The following CREB5 variants were observed in gnomAD, a reference collection of about 807,000 sequenced individuals.
The protein encoded by CREB5 is cAMP responsive element binding protein 5, also known as cyclic AMP-responsive element-binding protein 5.
Under a neutral mutation model 57.1 loss-of-function variants are expected in CREB5, and 19 were observed. The observed-to-expected ratio is 0.33, with a 90% CI of 0.23 to 0.49. The LOEUF (loss-of-function observed/expected upper bound fraction) is 0.49. Among genes scored for constraint, CREB5 ranks in the 20% least tolerant of loss-of-function variants. The pLI is 0.99. For synonymous variants in CREB5, 238 were observed against 238.3 expected (o/e 1.00, Z 0.01); for missense variants, 579 against 671.6 (o/e 0.86, Z 1.52).
At chr7:28,560,855 T>TGCGTGTGC (rs1554344299) in intron 4 of CREB5, among the ~76,000 whole-genome samples, 4 of 56,388 alleles carry the variant, frequency 7.1e-5, no homozygotes, top group African/African-American at 2.8e-4. Flanking sequence ...CGCGTGTGTG[T>TGCGTGTGC]GTGCGTGTGC....
At chr7:28,762,729 T>TC (rs1805729184) in intron 7 of CREB5, among the ~76,000 whole-genome samples, 1 of 152,020 alleles carries the variant, frequency 6.6e-6, no homozygotes, top group South Asian at 2.1e-4. Flanking sequence ...GCTATGGTTT[T>TC]TTTTTTTTCT....
intron 7 of CREB5, among the ~76,000 whole-genome samples, chr7:28,744,599 C>T (rs867926891): frequency 5.3e-5 from 8 of 152,024 alleles, no homozygotes; most frequent in South Asian, 2.1e-4. Flanking sequence ...CCACCCGCCT[C>T]GGCCTCCCAA....
chr7:28,385,457 G>T (rs750303496), intron 1 of CREB5, among the ~76,000 whole-genome samples: 1 of 152,052 alleles, frequency 6.6e-6, no homozygotes, highest in Non-Finnish European at 1.5e-5. Flanking sequence ...TGGGCAGACA[G>T]CTTGAGCCCA....
At position 28,316,804 on chromosome 7, in the gene CREB5, C is replaced by T. The variant is rs112605960; in HGVS notation, c.-25+17363C>T. ...TTTCAGAATACTTTCAAAATCTCCT[C>T]ACTGATTCACAGTGCAGAATGTATA... is the stretch of plus-strand genomic sequence containing the variant. On this transcript the variant is annotated intron_variant, in intron 1 of 9. Coordinates refer to the CREB5 transcript ENST00000396299. Among the ~76,000 whole-genome samples the T allele has an allele frequency of 7.3e-3, 1,110 of 152,150 alleles. 17 individuals carry two copies. The highest frequency in any genetic ancestry group is 0.025 in the African/African-American group (1,056 of 41,496).
chr7:28,566,243 T>G (rs1321691447), intron 4 of CREB5, among the ~76,000 whole-genome samples: 1 of 152,248 alleles, frequency 6.6e-6, no homozygotes, highest in African/African-American at 2.4e-5. Context: ...GATCATACAG[T>G]TGGCTCAAGT....
In CREB5 at chr7:28,643,001, C is replaced by T. The variant is rs4722832; in HGVS notation, c.464+72464C>T. ...ACACACACACATACACACACACACA[C>T]ACACACACACACACACACACACACA... On this transcript the variant is annotated intron_variant, in intron 5 of 10. Transcript: ENST00000357727. Among the ~76,000 whole-genome samples, 1,177 of 139,262 alleles carry T rather than the reference C, an allele frequency of 8.5e-3. 6 individuals carry two copies. The highest frequency in any genetic ancestry group is 0.029 in the African/African-American group (957 of 33,456). The allele number at this position is 139,262 out of a possible 152,430, so 91.4% of individuals were successfully genotyped here.
chr7:28,317,548 T>C (rs1290380246), intron 1 of CREB5, among the ~76,000 whole-genome samples: 3 of 152,296 alleles, frequency 2.0e-5, no homozygotes, highest in East Asian at 1.9e-4. Flanking sequence ...CTAAAAGCAA[T>C]GGATTTGCAT....
At chr7:28,771,443 C>T (rs542626260) in intron 7 of CREB5, among the ~76,000 whole-genome samples, 11 of 152,140 alleles carry the variant, frequency 7.2e-5, no homozygotes, top group East Asian at 3.9e-4. Flanking sequence ...ACGGGATTCA[C>T]GAGAAGTCTG....
At chr7:28,361,063 A>G (rs186144746) in intron 1 of CREB5, among the ~76,000 whole-genome samples, 17 of 152,212 alleles carry the variant, frequency 1.1e-4, no homozygotes, top group Admixed American at 9.8e-4. Flanking sequence ...CTGACCCCCA[A>G]TGTCAATAGT....
At chr7:28,375,899 C>T (rs1010589799) in intron 1 of CREB5, among the ~76,000 whole-genome samples, 2 of 152,214 alleles carry the variant, frequency 1.3e-5, no homozygotes, top group Non-Finnish European at 2.9e-5. Flanking sequence ...ACTATCATTA[C>T]TCCCATTTTA....
At chr7:28,535,112 C>T (rs571873576) in intron 4 of CREB5, among the ~76,000 whole-genome samples, 2 of 140,144 alleles carry the variant, frequency 1.4e-5, no homozygotes, top group East Asian at 4.0e-4. Context: ...CATGGTCACC[C>T]CATCTACACC....
In CREB5 at chr7:28,804,211, G is replaced by A; in HGVS notation, c.715G>A (p.Ala239Thr). 1.2e-6 allele frequency: 2 copies of A among 1,613,250 alleles called. No individual in the cohort carries two copies. Among genetic ancestry groups the A allele is most frequent in the Non-Finnish European group, 1.7e-6 (2 of 1,179,288 alleles). Residue 239 changes from alanine (A) to threonine (T), a missense_variant, in exon 8 of 11, where the codon GCA becomes ACA. By Grantham distance (58) the Ala-to-Thr change is moderately conservative. This residue lies in a region of CREB5 where 459 missense variants were observed against 515.7 expected (regional missense o/e 0.89). Transcript: ENST00000357727. ...HSEAKMRLKA[A>T]LTHHPAAMSN... ...TGTTCTGTTTCAGAGGTTGAAGGCT[G>A]CATTGACTCACCACCCTGCTGCCAT... is the stretch of plus-strand genomic sequence containing the variant.
intron 1 of CREB5, among the ~76,000 whole-genome samples, chr7:28,393,320 A>G (rs1787262004): frequency 6.6e-6 from 1 of 152,172 alleles, no homozygotes; most frequent in Non-Finnish European, 1.5e-5. Context: ...GCATTTCACA[A>G]AGCAGCGAGC....
At chr7:28,641,551 T>C (rs572102648) in intron 5 of CREB5, among the ~76,000 whole-genome samples, 1 of 152,168 alleles carries the variant, frequency 6.6e-6, no homozygotes, top group Non-Finnish European at 1.5e-5. Flanking sequence ...CGTACCCTCC[T>C]TCGGGCATGG....
At chr7:28,572,817 G>A (rs959713555) in intron 5 of CREB5, among the ~76,000 whole-genome samples, 2 of 152,298 alleles carry the variant, frequency 1.3e-5, no homozygotes, top group Admixed American at 1.3e-4. Context: ...GGATGGAGGC[G>A]GGTGTTTCTG....
At chr7:28,575,650 C>T (rs944100586) in intron 5 of CREB5, among the ~76,000 whole-genome samples, 2 of 152,172 alleles carry the variant, frequency 1.3e-5, no homozygotes, top group Admixed American at 1.3e-4. Context: ...ACTTGAAGCC[C>T]CTTTGAGTAA....
chr7:28,804,453 C>T lies in CREB5; in HGVS notation c.957C>T (p.His319=). 1.9e-6 allele frequency: 3 copies of T among 1,614,160 alleles called. No homozygotes were observed. Among genetic ancestry groups the T allele is most frequent in the South Asian group, 2.2e-5 (2 of 91,074 alleles). Residue 319 remains histidine, a synonymous_variant, in exon 8 of 11, where the codon CAC becomes CAT. Transcript: ENST00000357727. ...ATCCACATCACCACTCCCATTCCCA[C>T]CTTCATGCACACCCAGCACATCACC... ...QNHPHHHSHS[H]LHAHPAHHQT...
At chr7:28,582,413 TCAGTTCTTA>T (rs535405495) in intron 5 of CREB5, among the ~76,000 whole-genome samples, 42 of 152,324 alleles carry the variant, frequency 2.8e-4, no homozygotes, top group African/African-American at 1.0e-3. Flanking sequence ...ATTGTTTGTA[TCAGTTCTTA>T]ATGAGTTCCA....
intron 8 of CREB5, among the ~76,000 whole-genome samples, chr7:28,808,090 C>T (rs1808855174): frequency 6.6e-6 from 1 of 152,246 alleles, no homozygotes; most frequent in Non-Finnish European, 1.5e-5. Flanking sequence ...GCACAAGCAA[C>T]TCTCACTATC....
Sources: allele counts gnomAD v4.1 joint callset (sites outside exome capture counted in the v4.1 genomes callset), GRCh38; gene constraint gnomAD v4.1.1; regional missense constraint gnomAD v4.1.1; transcripts MANE v1.5; gene names NCBI Gene and HGNC (gene_info 2026-07-23, HGNC 2026-07-21).